NXPE4: variants seen among roughly 807,000 people sequenced by gnomAD.
NXPE4 encodes NXPE family member 4.
In NXPE4, 42 loss-of-function variants were observed where a neutral mutation model predicts 33.3. The observed-to-expected ratio is 1.26, with a 90% CI of 0.98 to 1.63. The LOEUF is 1.63. Among genes scored for constraint, NXPE4 ranks in the 40% most tolerant of loss-of-function variants. The pLI, the probability that NXPE4 is intolerant of heterozygous loss-of-function variation, is 0.00. For synonymous variants in NXPE4, 253 were observed against 234.9 expected, an observed-to-expected ratio of 1.08 and a Z score of -0.71; for missense variants, 709 against 647.6, an observed-to-expected ratio of 1.09 and a Z score of -1.03.
the NXPE4 span, among the ~76,000 whole-genome samples, chr11:114,601,914 TTATATATA>T: frequency 2.5e-5 from 1 of 39,786 alleles, no homozygotes; most frequent in Non-Finnish European, 5.0e-5. Flanking sequence ...TATTATATAA[TTATATATA>T]ATATATTTAT....
intron 2 of NXPE4, among the ~76,000 whole-genome samples, chr11:114,586,120 A>G (rs981204123): frequency 2.0e-5 from 3 of 152,198 alleles, no homozygotes; most frequent in South Asian, 4.1e-4. Context: ...TGTAAATCAG[A>G]CACTACCTCC....
chr11:114,676,169 A>G, the NXPE4 span, among the ~76,000 whole-genome samples: 1 of 151,926 alleles, frequency 6.6e-6, no homozygotes, highest in African/African-American at 2.4e-5. Flanking sequence ...ACATAGGGAA[A>G]AATCTCTTTG....
the NXPE4 span, among the ~76,000 whole-genome samples, chr11:114,651,574 C>T: frequency 1.3e-5 from 2 of 152,200 alleles, no homozygotes; most frequent in African/African-American, 4.8e-5. Context: ...AGCCTTTATT[C>T]CCTTATTTGG....
the NXPE4 span, among the ~76,000 whole-genome samples, chr11:114,630,652 C>A: frequency 4.6e-5 from 7 of 150,882 alleles, no homozygotes; most frequent in African/African-American, 1.7e-4. Context: ...GCAATGGCAA[C>A]AAAAGCCAAA....
At chr11:114,582,025 C>T (rs1309170285) in intron 3 of NXPE4, among the ~76,000 whole-genome samples, 1 of 152,220 alleles carries the variant, frequency 6.6e-6, no homozygotes, top group Admixed American at 6.5e-5. Context: ...AGCACACACA[C>T]ATACACACAT....
chr11:114,598,826 GC>G (rs1264424092), upstream of NXPE4, among the ~76,000 whole-genome samples: 5 of 151,522 alleles, frequency 3.3e-5, no homozygotes, highest in Non-Finnish European at 7.4e-5. Flanking sequence ...TCTCTGAAAT[GC>G]CTTTGAGGCC....
the NXPE4 span, among the ~76,000 whole-genome samples, chr11:114,668,126 C>T: frequency 6.6e-6 from 1 of 151,744 alleles, no homozygotes; most frequent in Non-Finnish European, 1.5e-5. Flanking sequence ...GGATAGTGTG[C>T]CTGCTCTTAA....
the NXPE4 span, among the ~76,000 whole-genome samples, chr11:114,619,521 C>T: frequency 2.0e-5 from 3 of 151,664 alleles, no homozygotes; most frequent in African/African-American, 4.8e-5. Flanking sequence ...ACCACTGTTA[C>T]CCGGTGGAGG....
At chr11:114,576,337 A>C in intron 5 of NXPE4, among the ~76,000 whole-genome samples, 1 of 139,134 alleles carries the variant, frequency 7.2e-6, no homozygotes, top group East Asian at 2.6e-4. Context: ...CAACAAAAAC[A>C]AACATAAATG....
chr11:114,608,870 C>G, the NXPE4 span, among the ~76,000 whole-genome samples: 1 of 151,474 alleles, frequency 6.6e-6, no homozygotes, highest in African/African-American at 2.4e-5. Context: ...ACCACTCTTA[C>G]CCGGTGGATA....
chr11:114,639,743 A>G, the NXPE4 span, among the ~76,000 whole-genome samples: 2 of 129,608 alleles, frequency 1.5e-5, no homozygotes, highest in Admixed American at 9.0e-5. Flanking sequence ...ATAAAATAAT[A>G]TATAATATAT....
chr11:114,609,012 T>G, the NXPE4 span, among the ~76,000 whole-genome samples: 1 of 151,954 alleles, frequency 6.6e-6, no homozygotes, highest in East Asian at 1.9e-4. Flanking sequence ...TAATAAGTGT[T>G]GCCTTGTGGG....
the NXPE4 span, among the ~76,000 whole-genome samples, chr11:114,632,107 T>C: frequency 1.4e-5 from 2 of 144,668 alleles, no homozygotes; most frequent in African/African-American, 5.0e-5. Flanking sequence ...TAATGTAATA[T>C]ATAAATTATA....
At chr11:114,662,209 A>G in the NXPE4 span, among the ~76,000 whole-genome samples, 2 of 148,360 alleles carry the variant, frequency 1.3e-5, no homozygotes, top group Non-Finnish European at 3.0e-5. Flanking sequence ...CATAGTGTGG[A>G]GAGTGTTTCT....
chr11:114,583,264 G>C (rs1459772827), intron 2 of NXPE4: 1 of 659,030 alleles, frequency 1.5e-6, no homozygotes, highest in East Asian at 2.9e-5. Flanking sequence ...TGGCGCAAAG[G>C]CAGGGCACCA....
intron 1 of NXPE4, among the ~76,000 whole-genome samples, chr11:114,595,066 A>T (rs1306115937): frequency 1.3e-5 from 2 of 152,144 alleles, no homozygotes; most frequent in East Asian, 3.9e-4. Flanking sequence ...GTCTAGATGA[A>T]GTCTCCAGAC....
chr11:114,650,304 T>C, the NXPE4 span, among the ~76,000 whole-genome samples: 1 of 152,132 alleles, frequency 6.6e-6, no homozygotes, highest in African/African-American at 2.4e-5. Flanking sequence ...AAACGCCAAA[T>C]GTGAGCTAGT....
At chr11:114,623,802 C>G in the NXPE4 span, among the ~76,000 whole-genome samples, 15 of 150,752 alleles carry the variant, frequency 1.0e-4, no homozygotes, top group Admixed American at 6.6e-4. Context: ...CTATGGATAA[C>G]AAGAATTGCC....
At chr11:114,632,077 ATATTAT>A in the NXPE4 span, among the ~76,000 whole-genome samples, 74 of 101,154 alleles carry the variant, frequency 7.3e-4, no homozygotes, top group African/African-American at 2.1e-3. Flanking sequence ...GTATAGTATA[ATATTAT>A]TATATTGTAA....
Sources: allele counts gnomAD v4.1 joint callset (sites outside exome capture counted in the v4.1 genomes callset), GRCh38; gene constraint gnomAD v4.1.1; transcripts MANE v1.5; gene names NCBI Gene and HGNC (gene_info 2026-07-23, HGNC 2026-07-21).